CTNNA3: variants seen among roughly 807,000 people sequenced by gnomAD.
CTNNA3 encodes catenin alpha-3.
A neutral mutation model predicts 95.7 loss-of-function variants in CTNNA3; 76 were observed. The ratio of observed to expected loss-of-function variants is 0.79; its 90% confidence interval spans 0.66 to 0.96. The LOEUF (loss-of-function observed/expected upper bound fraction) is 0.96. CTNNA3 is among the 40% of genes least tolerant of loss of function. The pLI, the probability that CTNNA3 is intolerant of heterozygous loss-of-function variation, is 0.00. For missense variants in CTNNA3, 1,191 were observed against 1,089.8 expected (o/e 1.09, Z -1.31); for synonymous variants, 431 against 374.4 (o/e 1.15, Z -1.74).
chr10:66,709,518 TCAAAA>T (rs61708620), intron 9 of CTNNA3, among the ~76,000 whole-genome samples: 35,630 of 151,800 alleles, frequency 0.23, 5,486 homozygotes, highest in East Asian at 0.56. Context: ...CCATTCTGTC[TCAAAA>T]CAGAAATTAT....
At chr10:66,055,707 A>C (rs1055625832) in intron 15 of CTNNA3, among the ~76,000 whole-genome samples, 3 of 152,062 alleles carry the variant, frequency 2.0e-5, no homozygotes, top group African/African-American at 7.2e-5. Flanking sequence ...GCAGATCATG[A>C]GGTCAGGAGT....
At chr10:67,219,298 T>A (rs1864535344) in intron 6 of CTNNA3, among the ~76,000 whole-genome samples, 1 of 152,226 alleles carries the variant, frequency 6.6e-6, no homozygotes, top group Non-Finnish European at 1.5e-5. Flanking sequence ...AATAAGTATT[T>A]GTGGAGTGAA....
intron 15 of CTNNA3, among the ~76,000 whole-genome samples, chr10:66,052,290 C>T (rs570788966): frequency 6.6e-6 from 1 of 152,226 alleles, no homozygotes; most frequent in African/African-American, 2.4e-5. Context: ...GAGCCTGTAA[C>T]AGCCAAGGTA....
intron 5 of CTNNA3, among the ~76,000 whole-genome samples, chr10:67,262,747 C>T (rs1401580498): frequency 2.0e-5 from 3 of 151,894 alleles, no homozygotes; most frequent in Non-Finnish European, 4.4e-5. Flanking sequence ...AATATAAAAC[C>T]CAAATTGATT....
intron 5 of CTNNA3, among the ~76,000 whole-genome samples, chr10:67,271,441 C>A (rs1838968871): frequency 6.6e-6 from 1 of 152,116 alleles, no homozygotes; most frequent in Non-Finnish European, 1.5e-5. Context: ...TGTGTTCTGC[C>A]ATGATTGTAA....
At chr10:67,535,563 C>A (rs1234009625) in intron 4 of CTNNA3, among the ~76,000 whole-genome samples, 1 of 151,910 alleles carries the variant, frequency 6.6e-6, no homozygotes, top group Admixed American at 6.6e-5. Flanking sequence ...CAATATGAAC[C>A]AACAACATGA....
intron 1 of CTNNA3, among the ~76,000 whole-genome samples, chr10:67,672,908 T>C (rs1466045583): frequency 3.3e-5 from 5 of 152,138 alleles, no homozygotes; most frequent in African/African-American, 9.7e-5. Flanking sequence ...AAGTCATTGG[T>C]AGCTTGATGG....
At chr10:67,089,836 CT>C (rs1324511014) in intron 7 of CTNNA3, among the ~76,000 whole-genome samples, 1 of 151,698 alleles carries the variant, frequency 6.6e-6, no homozygotes, top group Non-Finnish European at 1.5e-5. Context: ...TTGTCCATCC[CT>C]TTCACAAGCC....
At chr10:67,636,814 G>C (rs1839330533) in intron 2 of CTNNA3, among the ~76,000 whole-genome samples, 1 of 152,160 alleles carries the variant, frequency 6.6e-6, no homozygotes, top group Non-Finnish European at 1.5e-5. Flanking sequence ...CTGAATGTTA[G>C]AAGGAAAACT....
intron 11 of CTNNA3, among the ~76,000 whole-genome samples, chr10:66,494,385 C>T (rs1424676909): frequency 1.3e-5 from 2 of 152,170 alleles, no homozygotes; most frequent in Non-Finnish European, 2.9e-5. Flanking sequence ...GGGTATTAGA[C>T]CCTGTTCATT....
chr10:67,266,290 CA>C (rs145450442), intron 5 of CTNNA3, among the ~76,000 whole-genome samples: 15,693 of 151,622 alleles, frequency 0.1, 1,129 homozygotes, highest in Non-Finnish European at 0.17. Flanking sequence ...TATTTTTGTT[CA>C]AAAAAAATAT....
chr10:66,041,755 C>A (rs974419960), intron 15 of CTNNA3, among the ~76,000 whole-genome samples: 2 of 152,020 alleles, frequency 1.3e-5, no homozygotes, highest in Non-Finnish European at 1.5e-5. Context: ...TGAATCTGTA[C>A]TTTCTGGTCT....
At chr10:67,528,935 C>T (rs143686207) in intron 4 of CTNNA3, among the ~76,000 whole-genome samples, 1 of 152,042 alleles carries the variant, frequency 6.6e-6, no homozygotes, top group Non-Finnish European at 1.5e-5. Flanking sequence ...GAGGAATAAT[C>T]TCAAGAGATC....
intron 1 of CTNNA3, among the ~76,000 whole-genome samples, chr10:67,673,822 T>C (rs1186155534): frequency 2.9e-5 from 4 of 138,314 alleles, no homozygotes; most frequent in Admixed American, 2.8e-4. Context: ...ACTTCTTACC[T>C]CTAGACTTCT....
chr10:67,053,441 C>T (rs1310700458), intron 7 of CTNNA3, among the ~76,000 whole-genome samples: 1 of 152,058 alleles, frequency 6.6e-6, no homozygotes, highest in African/African-American at 2.4e-5. Context: ...GTACTCAAAA[C>T]CAAATACTAA....
intron 9 of CTNNA3, among the ~76,000 whole-genome samples, chr10:66,702,732 A>AAGTAGTAGTAGTAGTAGTAGT (rs3055636): frequency 4.5e-5 from 6 of 134,324 alleles, no homozygotes; most frequent in African/African-American, 1.2e-4. Context: ...AAAAAAGAAT[A>AAGTAGTAGTAGTAGTAGTAGT]AGTAGTAGTA....
rs561178291 is a variant in CTNNA3, at chr10:66,003,371, T to A, written c.2160-14574A>T. 2.0e-5 allele frequency among the ~76,000 whole-genome samples: 3 copies of A among 151,924 alleles called. No individual in the cohort carries two copies. The South Asian group carries it at 6.2e-4, about 32-fold the overall frequency. On this transcript the variant is annotated intron_variant, in intron 15 of 17. Coordinates refer to ENST00000433211, the MANE Select transcript of CTNNA3 (RefSeq NM_013266.4). ...GTGGAGAGAGAGAGAAGAAATTCCC[T>A]TCCTCAAATTCACTACTACTTTTCT...
chr10:66,981,255 T>C (rs753047), intron 7 of CTNNA3, among the ~76,000 whole-genome samples: 26,674 of 152,236 alleles, frequency 0.18, 2,830 homozygotes, highest in African/African-American at 0.29. Context: ...TGACTACAGT[T>C]AAGCATCCTA....
intron 9 of CTNNA3, among the ~76,000 whole-genome samples, chr10:66,721,189 A>T (rs1848618007): frequency 6.6e-6 from 1 of 152,092 alleles, no homozygotes; most frequent in Non-Finnish European, 1.5e-5. Context: ...AAAGAGACCC[A>T]AGGGTGTGGA....
Sources: allele counts gnomAD v4.1 joint callset (sites outside exome capture counted in the v4.1 genomes callset), GRCh38; gene constraint gnomAD v4.1.1; transcripts MANE v1.5; gene names NCBI Gene and HGNC (gene_info 2026-07-23, HGNC 2026-07-21).